ATAD2B: variants seen among roughly 807,000 people sequenced by gnomAD.
ATAD2B encodes ATPase family AAA domain containing 2B.
In ATAD2B, 40 loss-of-function variants were observed where a neutral mutation model predicts 167.6. The ratio of observed to expected loss-of-function variants is 0.24; its 90% CI spans 0.19 to 0.31. The LOEUF is 0.31. ATAD2B is among the 10% of genes least tolerant of loss of function. ATAD2B has a pLI of 1.00. For missense variants in ATAD2B, 1,242 were observed against 1,757.2 expected, an observed-to-expected ratio of 0.71 and a Z score of 5.24; for synonymous variants, 579 against 596.5, an observed-to-expected ratio of 0.97 and a Z score of 0.43.
chr2:23,907,870 C>G (rs1331562547), intron 1 of ATAD2B, among the ~76,000 whole-genome samples: 8 of 152,022 alleles, frequency 5.3e-5, no homozygotes, highest in South Asian at 2.1e-4. Context: ...ACAAACCTGA[C>G]AAAAACAAGA....
intron 8 of ATAD2B, chr2:23,872,586 G>T: frequency 8.0e-7 from 1 of 1,255,946 alleles, no homozygotes. Flanking sequence ...AGGTCTGCAT[G>T]CCTGCGATCC....
chr2:23,684,289 A>G, the ATAD2B span: 1 of 788,522 alleles, frequency 1.3e-6, no homozygotes, highest in Non-Finnish European at 1.8e-6. The surrounding 1 kb of genome is among the most constrained non-coding windows in gnomAD (Gnocchi z 4.4). Flanking sequence ...AACAATATCA[A>G]GTATTTCCTA....
chr2:23,712,563 G>A, the ATAD2B span, among the ~76,000 whole-genome samples: 2 of 152,182 alleles, frequency 1.3e-5, no homozygotes, highest in Admixed American at 6.5e-5. Context: ...GGAGAGGGGA[G>A]AACAGCATAA....
At chr2:23,896,153 C>CAAAAAA (rs1158562523) in intron 1 of ATAD2B, among the ~76,000 whole-genome samples, 183 bp from the exon 2 acceptor site, 1 of 125,618 alleles carries the variant, frequency 8.0e-6, no homozygotes, top group Non-Finnish European at 1.7e-5. Flanking sequence ...CCGCCTCTAC[C>CAAAAAA]AAAAAAAAAA....
intron 19 of ATAD2B, among the ~76,000 whole-genome samples, chr2:23,792,835 G>A (rs1265922869): frequency 2.0e-5 from 3 of 151,186 alleles, no homozygotes; most frequent in Non-Finnish European, 3.0e-5. Flanking sequence ...GGTGGCGGGC[G>A]CCTTTAGTCC....
chr2:23,789,183 A>G (rs1157382197), intron 19 of ATAD2B, among the ~76,000 whole-genome samples: 1 of 151,992 alleles, frequency 6.6e-6, no homozygotes, highest in East Asian at 1.9e-4. Context: ...ACACACTCCA[A>G]AAAAATTAAG....
At chr2:23,872,247 C>G (rs985965979) in intron 8 of ATAD2B, 2 of 415,802 alleles carry the variant, frequency 4.8e-6, no homozygotes, top group Non-Finnish European at 9.3e-6. Flanking sequence ...TGAAGTGACA[C>G]GATCATAGCT....
intron 22 of ATAD2B, among the ~76,000 whole-genome samples, chr2:23,777,939 C>T (rs1362035448): frequency 6.6e-6 from 1 of 152,168 alleles, no homozygotes; most frequent in Non-Finnish European, 1.5e-5. Flanking sequence ...AAAATGTTGG[C>T]TTTTGTCTTC....
At chr2:23,780,266 C>CA (rs1558521058) in intron 22 of ATAD2B, among the ~76,000 whole-genome samples, 1 of 83,196 alleles carries the variant, frequency 1.2e-5, no homozygotes, top group Non-Finnish European at 2.4e-5. Flanking sequence ...AAAGTATATA[C>CA]TTGTGTGTGT....
chr2:23,860,788 T>C (rs1374314638), intron 12 of ATAD2B, among the ~76,000 whole-genome samples: 1 of 152,070 alleles, frequency 6.6e-6, no homozygotes, highest in Admixed American at 6.6e-5. Context: ...CTGGCCAACA[T>C]GGTGAAACCC....
At chr2:23,923,781 T>C (rs994136794) in intron 1 of ATAD2B, among the ~76,000 whole-genome samples, 2 of 152,054 alleles carry the variant, frequency 1.3e-5, no homozygotes, top group South Asian at 2.1e-4. Context: ...GAAAAGCTCA[T>C]AGCGCTATGA....
At chr2:23,900,218 T>C (rs1308446572) in intron 1 of ATAD2B, among the ~76,000 whole-genome samples, 1 of 151,454 alleles carries the variant, frequency 6.6e-6, no homozygotes, top group Non-Finnish European at 1.5e-5. Flanking sequence ...GCCTGGCCTC[T>C]TACTTTTTAT....
At chr2:23,691,721 T>C in the ATAD2B span, 2 of 1,551,788 alleles carry the variant, frequency 1.3e-6, no homozygotes, top group Non-Finnish European at 8.7e-7. Flanking sequence ...CTGGAGCTCG[T>C]CCTGTCGAAC....
At chr2:23,743,646 G>T in the ATAD2B span, among the ~76,000 whole-genome samples, 1,642 of 151,718 alleles carry the variant, frequency 0.011, 15 homozygotes, top group Middle Eastern at 0.037. Context: ...GTTTTTTTGA[G>T]ACAGGGTGTC....
At chr2:23,759,962 T>C (rs72798064) in intron 24 of ATAD2B, among the ~76,000 whole-genome samples, 18,240 of 152,240 alleles carry the variant, frequency 0.12, 1,168 homozygotes, top group Middle Eastern at 0.22. Flanking sequence ...ACCTCTCTTA[T>C]TCTGCAACCA....
chr2:23,739,800 C>T, the ATAD2B span, among the ~76,000 whole-genome samples: 1 of 152,046 alleles, frequency 6.6e-6, no homozygotes, highest in Non-Finnish European at 1.5e-5. Context: ...TGATAGACCA[C>T]TAGCAAGACT....
At chr2:23,857,113 GTCTC>G (rs1189875815) in intron 13 of ATAD2B, among the ~76,000 whole-genome samples, 1 of 152,136 alleles carries the variant, frequency 6.6e-6, no homozygotes, top group African/African-American at 2.4e-5. Flanking sequence ...AACGCATTCG[GTCTC>G]TCTATCACAG....
Position 23,758,077 on chromosome 2 carries a change from C to T in ATAD2B, c.3419G>A (p.Arg1140Gln), listed in dbSNP as rs1676155588. Residue 1140 changes from arginine (R) to glutamine (Q), a missense_variant, in exon 25 of 28, where the codon CGG (arginine) becomes CAG (glutamine). Arg to Gln is a conservative substitution (Grantham distance 43). Transcript: ENST00000238789. ...CAFRVRRKSR[R>Q]RSQWGKGIIK... Reference sequence around the variant, plus strand: ...AATTCCTTTACCCCACTGTGATCTCCGCCTTGATTTTCTCCGAACCCGAAC... The same window carrying T: ...AATTCCTTTACCCCACTGTGATCTCTGCCTTGATTTTCTCCGAACCCGAAC... The T allele has an allele frequency of 1.9e-6, 3 of 1,580,532 alleles. No homozygotes were observed. Among genetic ancestry groups the T allele is most frequent in the South Asian group, 1.2e-5 (1 of 84,986 alleles).
chr2:23,709,751 T>C, the ATAD2B span, among the ~76,000 whole-genome samples: 2 of 152,154 alleles, frequency 1.3e-5, no homozygotes, highest in Admixed American at 6.5e-5. Context: ...AAATAAATAT[T>C]TGCAGTGATA....
Sources: gnomAD v4.1 joint callset for allele counts (sites outside exome capture counted in the v4.1 genomes callset) on GRCh38, gnomAD v4.1.1 for gene constraint, Gnocchi (gnomAD v3.1) non-coding constraint, MANE v1.5 for transcripts, NCBI Gene and HGNC (gene_info 2026-07-23, HGNC 2026-07-21) for gene names.